ADGRL3: variants seen among roughly 807,000 people sequenced by gnomAD.
ADGRL3 encodes the protein calcium-independent alpha-latrotoxin receptor 3.
A neutral mutation model predicts 153.5 loss-of-function variants in ADGRL3; 62 were observed. That is an observed-to-expected ratio of 0.40 (90% CI 0.33 to 0.50). The LOEUF is 0.50. Ranked by LOEUF, ADGRL3 falls within the 20% of genes least tolerant of loss-of-function variation. ADGRL3 has a pLI of 0.47. For synonymous variants in ADGRL3, 710 were observed against 672.5 expected (o/e 1.06, Z -0.86); for missense variants, 1,641 against 1,859.4 (o/e 0.88, Z 2.16).
In ADGRL3 at chr4:62,076,638, T is replaced by C. The variant is rs1747224591; in HGVS notation, c.*5730T>C. On this transcript the variant is annotated 3_prime_UTR_variant, in exon 27 of 27. Coordinates refer to ENST00000683033, the MANE Select transcript of ADGRL3 (RefSeq NM_001387552.1). ...AAAAGTAAAATGGGAGTTTCCTATA[T>C]TCTGATTTCATTCTGCTAATTCCAC... 6.6e-6 allele frequency: 1 copy of C among 152,068 alleles called. No individual in the cohort carries two copies. Among genetic ancestry groups the C allele is most frequent in the Non-Finnish European group, 1.5e-5 (1 of 67,936 alleles). The allele number at this position is 152,068 out of a possible 1,614,324, so 9.4% of individuals were successfully genotyped here. A position where few individuals can be genotyped will look rare whatever the true frequency, so the allele number is the denominator to read the frequency against.
chr4:62,030,151 A>G (rs1471789815), intron 22 of ADGRL3, among the ~76,000 whole-genome samples: 1 of 151,648 alleles, frequency 6.6e-6, no homozygotes, highest in East Asian at 1.9e-4. Flanking sequence ...ATTATTTTTA[A>G]TAAGACTTTA....
At chr4:61,601,363 T>A (rs2099010841) in intron 5 of ADGRL3, among the ~76,000 whole-genome samples, 2 of 152,198 alleles carry the variant, frequency 1.3e-5, no homozygotes, top group South Asian at 2.1e-4. Context: ...GAACACAATC[T>A]TAATTTTAGT....
At chr4:61,884,139 T>C (rs1046248735) in intron 9 of ADGRL3, among the ~76,000 whole-genome samples, 2 of 152,222 alleles carry the variant, frequency 1.3e-5, no homozygotes, top group Non-Finnish European at 2.9e-5. Flanking sequence ...AAATTAATCT[T>C]ATAGTTCCCA....
At chr4:61,790,310 C>A (rs1408460886) in intron 8 of ADGRL3, among the ~76,000 whole-genome samples, 4 of 152,088 alleles carry the variant, frequency 2.6e-5, no homozygotes, top group Admixed American at 6.6e-5. Context: ...TCACACAACT[C>A]CTTTGGCAAT....
intron 17 of ADGRL3, among the ~76,000 whole-genome samples, chr4:61,951,521 C>G (rs184118885): frequency 6.6e-6 from 1 of 152,176 alleles, no homozygotes; most frequent in African/African-American, 2.4e-5. Context: ...CAATGTTAGA[C>G]AGATTATTCC....
chr4:61,806,512 TTCTA>T (rs1177373649), intron 8 of ADGRL3, among the ~76,000 whole-genome samples: 1 of 151,980 alleles, frequency 6.6e-6, no homozygotes, highest in Non-Finnish European at 1.5e-5. Flanking sequence ...ATTAGTATTT[TTCTA>T]TCTAATATAC....
chr4:61,805,716 C>T (rs1049631510), intron 8 of ADGRL3, among the ~76,000 whole-genome samples: 3 of 151,980 alleles, frequency 2.0e-5, no homozygotes, highest in Non-Finnish European at 4.4e-5. Flanking sequence ...TGCCCCCTAC[C>T]TAATAATTGT....
intron 8 of ADGRL3, among the ~76,000 whole-genome samples, chr4:61,738,688 ATTTTTTAAAAT>A (rs912484392): frequency 1.6e-4 from 24 of 152,272 alleles, no homozygotes; most frequent in African/African-American, 5.8e-4. Context: ...TAATTGTCAC[ATTTTTTAAAAT>A]CCCTACCTTT....
intron 4 of ADGRL3, among the ~76,000 whole-genome samples, chr4:61,524,488 ATTC>A (rs2098548380): frequency 1.3e-5 from 2 of 152,000 alleles, no homozygotes; most frequent in Non-Finnish European, 2.9e-5. Context: ...CATATCTTTA[ATTC>A]TTCTTCACTA....
intron 2 of ADGRL3, among the ~76,000 whole-genome samples, chr4:61,493,066 A>T (rs940944093): frequency 1.3e-5 from 2 of 152,186 alleles, no homozygotes; most frequent in Non-Finnish European, 2.9e-5. Context: ...AATCATCATA[A>T]AATGTTTTCT....
At chr4:61,533,335 A>C in intron 4 of ADGRL3, among the ~76,000 whole-genome samples, 1 of 152,136 alleles carries the variant, frequency 6.6e-6, no homozygotes, top group East Asian at 1.9e-4. Context: ...TCACTTCCAA[A>C]CCACGGGAAT....
chr4:61,916,901 T>C (rs538469789), intron 13 of ADGRL3, among the ~76,000 whole-genome samples: 23 of 151,856 alleles, frequency 1.5e-4, no homozygotes, highest in African/African-American at 5.1e-4. Context: ...TGCAGTGAGC[T>C]GAGATCGCAC....
At chr4:61,465,369 A>T (rs976021376) in intron 2 of ADGRL3, among the ~76,000 whole-genome samples, 1 of 152,122 alleles carries the variant, frequency 6.6e-6, no homozygotes, top group East Asian at 1.9e-4. Context: ...TTTTAAAAAT[A>T]GTTCGTATAG....
At chr4:61,836,186 T>C (rs1349124595) in intron 9 of ADGRL3, among the ~76,000 whole-genome samples, 1 of 152,204 alleles carries the variant, frequency 6.6e-6, no homozygotes, top group East Asian at 1.9e-4. Context: ...TCCTTTCTTA[T>C]ATTTCACAAA....
intron 4 of ADGRL3, among the ~76,000 whole-genome samples, chr4:61,554,334 C>CT: frequency 6.6e-6 from 1 of 151,988 alleles, no homozygotes; most frequent in African/African-American, 2.4e-5. Context: ...GCTGGGATTA[C>CT]AGGCGCGTGC....
chr4:61,832,675 A>G (rs531529321), intron 9 of ADGRL3, among the ~76,000 whole-genome samples: 1 of 152,196 alleles, frequency 6.6e-6, no homozygotes, highest in Non-Finnish European at 1.5e-5. Context: ...TTTTTCTAAC[A>G]CCTTCACTGG....
intron 1 of ADGRL3, among the ~76,000 whole-genome samples, chr4:61,283,780 C>T (rs1269813805): frequency 6.6e-6 from 1 of 151,940 alleles, no homozygotes; most frequent in East Asian, 1.9e-4. Context: ...TGGCTTCTTA[C>T]CCTGTTTGCA....
chr4:61,532,649 C>G (rs1018043515), intron 4 of ADGRL3, among the ~76,000 whole-genome samples: 6 of 150,404 alleles, frequency 4.0e-5, no homozygotes, highest in South Asian at 4.2e-4. Context: ...TAGGATGATG[C>G]CTGTTAGATG....
At position 62,072,966 on chromosome 4, in the gene ADGRL3, A is replaced by T. The variant is rs953531151; in HGVS notation, c.*2058A>T. 7 of 152,184 alleles carry T rather than the reference A, an allele frequency of 4.6e-5. No individual in the cohort carries two copies. The highest frequency in any genetic ancestry group is 4.6e-4 in the Admixed American group (7 of 15,274). 9.4% of individuals were successfully genotyped at this position (152,184 alleles called of 1,614,324 possible). ...CTATATATGAGGGAAATCGGAAAAG[A>T]TAAAGAAGTTCTTTCAAAGAAACTT... On this transcript the variant is annotated 3_prime_UTR_variant, in exon 27 of 27. Coordinates refer to ENST00000683033, the MANE Select transcript of ADGRL3 (RefSeq NM_001387552.1).
Sources: allele counts gnomAD v4.1 joint callset (sites outside exome capture counted in the v4.1 genomes callset), GRCh38; gene constraint gnomAD v4.1.1; transcripts MANE v1.5; gene names NCBI Gene and HGNC (gene_info 2026-07-23, HGNC 2026-07-21).